The following TYW1B variants were observed in gnomAD, a reference collection of about 807,000 sequenced individuals.
TYW1B encodes S-adenosyl-L-methionine-dependent tRNA 4-demethylwyosine synthase TYW1B.
A neutral mutation model predicts 86.9 loss-of-function variants in TYW1B; 73 were observed. The ratio of observed to expected loss-of-function variants is 0.84; its 90% CI spans 0.70 to 1.02. The LOEUF is 1.02. TYW1B is among the 50% of genes least tolerant of loss of function. TYW1B has a pLI of 0.00. For synonymous variants in TYW1B, 248 were observed against 292.8 expected (o/e 0.85, Z 1.56); for missense variants, 637 against 827.4 (o/e 0.77, Z 2.82).
chr7:72,632,399 T>TATATATATACATATATATATAA (rs1812541714), intron 11 of TYW1B, among the ~76,000 whole-genome samples: 3 of 94,482 alleles, frequency 3.2e-5, no homozygotes, highest in East Asian at 2.3e-4. Flanking sequence ...TATATATATA[T>TATATATATACATATATATATAA]AATATATATA....
At chr7:72,770,918 A>C (rs1383186030) in intron 7 of TYW1B, among the ~76,000 whole-genome samples, 2 of 150,560 alleles carry the variant, frequency 1.3e-5, no homozygotes, top group African/African-American at 2.4e-5. Context: ...GTTGCAAAAG[A>C]CTGCACATTA....
At chr7:72,764,183 C>G (rs1554467897) in intron 7 of TYW1B, among the ~76,000 whole-genome samples, 1 of 152,184 alleles carries the variant, frequency 6.6e-6, no homozygotes, top group African/African-American at 2.4e-5. Flanking sequence ...CATGGCTTTC[C>G]TAAGTTGTTG....
chr7:72,759,798 A>G (rs1403056923), intron 7 of TYW1B, among the ~76,000 whole-genome samples: 1 of 152,242 alleles, frequency 6.6e-6, no homozygotes, highest in African/African-American at 2.4e-5. Flanking sequence ...CAACAGCTCC[A>G]TGGTAACCAA....
In TYW1B at chr7:72,799,489, G is replaced by A. The variant is rs578258391; in HGVS notation, c.846+2911C>T. 3.2e-3 allele frequency among the ~76,000 whole-genome samples: 467 copies of A among 147,182 alleles called. 2 individuals are homozygous for A. The highest frequency in any genetic ancestry group is 0.011 in the African/African-American group (446 of 39,976). On this transcript the variant is annotated intron_variant, in intron 6 of 13. Coordinates refer to ENST00000620995, the MANE Select transcript of TYW1B (RefSeq NM_001145440.3). ...GGTCTGCCTTTTTTTCTTTTGAGACGGAGTCTCGCTCTGTCACCCAGGCTG... is the reference window on the plus strand; with the variant it reads ...GGTCTGCCTTTTTTTCTTTTGAGACAGAGTCTCGCTCTGTCACCCAGGCTG...
At chr7:72,711,198 T>TA (rs1490447404) in intron 10 of TYW1B, among the ~76,000 whole-genome samples, 1 of 152,064 alleles carries the variant, frequency 6.6e-6, no homozygotes, top group Non-Finnish European at 1.5e-5. Flanking sequence ...TGCACTAAGA[T>TA]AGGGAGGCTA....
At chr7:72,780,666 G>A (rs1554471479) in intron 6 of TYW1B, among the ~76,000 whole-genome samples, 3 of 152,120 alleles carry the variant, frequency 2.0e-5, no homozygotes, top group African/African-American at 7.2e-5. Flanking sequence ...TATAAAATGT[G>A]AGTGTTGCAA....
Position 72,810,707 on chromosome 7 carries a change from T to A in TYW1B, c.238-42A>T, listed in dbSNP as rs782687162. ...TTGTTTCAGTGGAACATACAAGGCA[T>A]AAATTATCTCAACGAAGAAAATCCT... On this transcript the variant is annotated intron_variant, in intron 3 of 13. Transcript: ENST00000620995. 47 of 1,547,110 alleles carry A rather than the reference T, an allele frequency of 3.0e-5. 1 individual carries two copies. In the South Asian group the frequency reaches 3.1e-4, roughly 10 times the overall value.
intron 6 of TYW1B, among the ~76,000 whole-genome samples, chr7:72,798,247 T>C (rs2129572421): frequency 1.3e-5 from 2 of 152,010 alleles, no homozygotes; most frequent in Middle Eastern, 3.4e-3. Context: ...AAAAATTAGC[T>C]GGGTGCAGTG....
At chr7:72,807,760 A>G (rs1287632601) in intron 4 of TYW1B, among the ~76,000 whole-genome samples, 4 of 152,178 alleles carry the variant, frequency 2.6e-5, no homozygotes, top group African/African-American at 9.7e-5. Context: ...TGAAAATATA[A>G]TCAATTTGGC....
At chr7:72,750,784 T>C (rs1350463164) in intron 7 of TYW1B, among the ~76,000 whole-genome samples, 1 of 152,178 alleles carries the variant, frequency 6.6e-6, no homozygotes, top group Non-Finnish European at 1.5e-5. Context: ...TCAAATTTTT[T>C]CAGATATTCG....
intron 11 of TYW1B, among the ~76,000 whole-genome samples, chr7:72,669,977 A>AAATG (rs1813557771): frequency 7.1e-6 from 1 of 140,672 alleles, no homozygotes. Flanking sequence ...ATAAATAAAT[A>AAATG]AAGATTAGCT....
At chr7:72,587,604 T>C (rs1811303446) in intron 13 of TYW1B, among the ~76,000 whole-genome samples, 1 of 152,090 alleles carries the variant, frequency 6.6e-6, no homozygotes. Flanking sequence ...ATCCATCAAG[T>C]GCAAGGTCTG....
intron 3 of TYW1B, among the ~76,000 whole-genome samples, chr7:72,811,314 G>C (rs1477595329): frequency 7.2e-6 from 1 of 139,578 alleles, no homozygotes; most frequent in Non-Finnish European, 1.6e-5. Flanking sequence ...AAAAAGAAAA[G>C]AAAAAATGCA....
chr7:72,641,631 G>A (rs1359733883), intron 11 of TYW1B, among the ~76,000 whole-genome samples: 5 of 152,132 alleles, frequency 3.3e-5, no homozygotes, highest in Non-Finnish European at 7.4e-5. Context: ...AAACAGATTG[G>A]TGGTTATAAG....
chr7:72,774,646 G>A (rs1332865720), intron 7 of TYW1B, among the ~76,000 whole-genome samples: 7 of 152,218 alleles, frequency 4.6e-5, no homozygotes, highest in Admixed American at 6.5e-5. Flanking sequence ...CAGGAGAATC[G>A]CTTGAACCTG....
intron 7 of TYW1B, among the ~76,000 whole-genome samples, chr7:72,767,627 AT>A (rs1228553122): frequency 3.9e-5 from 6 of 152,076 alleles, no homozygotes; most frequent in African/African-American, 1.4e-4. Context: ...TAATAAAAAA[AT>A]AAAAAAATAA....
intron 2 of TYW1B, among the ~76,000 whole-genome samples, chr7:72,826,470 G>A (rs1293003176): frequency 6.6e-6 from 1 of 151,980 alleles, no homozygotes; most frequent in Non-Finnish European, 1.5e-5. Context: ...TTCCCTCCAA[G>A]AAAAAACTTT....
intron 10 of TYW1B, among the ~76,000 whole-genome samples, chr7:72,697,215 C>T (rs1224413427): frequency 7.2e-5 from 11 of 152,096 alleles, no homozygotes; most frequent in African/African-American, 1.2e-4. Flanking sequence ...AAAGGCCATA[C>T]TCCTTTTACA....
intron 11 of TYW1B, among the ~76,000 whole-genome samples, chr7:72,680,187 G>T (rs1813835410): frequency 6.6e-6 from 1 of 152,136 alleles, no homozygotes; most frequent in African/African-American, 2.4e-5. Flanking sequence ...TTGCTCCTGG[G>T]TGTGTCTGTG....
Sources: allele counts gnomAD v4.1 joint callset (sites outside exome capture counted in the v4.1 genomes callset), GRCh38; gene constraint gnomAD v4.1.1; transcripts MANE v1.5; gene names NCBI Gene and HGNC (gene_info 2026-07-23, HGNC 2026-07-21).